The following PAGE2B variants were observed in gnomAD, a reference collection of about 807,000 sequenced individuals.
PAGE2B encodes PAGE family member 2B.
A neutral mutation model predicts 7.6 loss-of-function variants in PAGE2B; 5 were observed. The observed-to-expected ratio is 0.66, with a 90% CI of 0.34 to 1.38. The LOEUF is 1.38. Among genes scored for constraint, PAGE2B ranks in the 40% most tolerant of loss-of-function variants. The pLI is 0.04. For synonymous variants in PAGE2B, 29 were observed against 26.7 expected, an observed-to-expected ratio of 1.09 and a Z score of -0.27; for missense variants, 70 against 78.4, an observed-to-expected ratio of 0.89 and a Z score of 0.41.
chrX:55,058,896 C>A, the PAGE2B span, among the ~76,000 whole-genome samples: 1 of 110,221 alleles, frequency 9.1e-6, no homozygotes, highest in Non-Finnish European at 1.9e-5. Context: ...ACCAGGGAGA[C>A]CCTGACATAT....
chrX:55,039,226 C>T, the PAGE2B span, among the ~76,000 whole-genome samples: 695 of 110,940 alleles, frequency 6.3e-3, 4 homozygotes, highest in African/African-American at 0.015. Context: ...GAGTGATTTT[C>T]CCCCCCTGGC....
At chrX:55,048,056 C>T in the PAGE2B span, among the ~76,000 whole-genome samples, 1 of 111,824 alleles carries the variant, frequency 8.9e-6, no homozygotes, top group Non-Finnish European at 1.9e-5. Context: ...TTCTCAGCAC[C>T]ATTTATTAGA....
chrX:55,049,592 C>A, the PAGE2B span, among the ~76,000 whole-genome samples: 6 of 111,344 alleles, frequency 5.4e-5, no homozygotes, highest in Admixed American at 1.9e-4. Context: ...GTTTATTTGC[C>A]TAGAGGTGTT....
At chrX:55,037,968 G>A in the PAGE2B span, among the ~76,000 whole-genome samples, 1 of 106,639 alleles carries the variant, frequency 9.4e-6, no homozygotes, top group African/African-American at 3.4e-5. Context: ...GAGTTAATGG[G>A]TGCAGCACAC....
the PAGE2B span, among the ~76,000 whole-genome samples, chrX:55,051,691 A>T: frequency 1.8e-5 from 2 of 111,147 alleles, no homozygotes; most frequent in African/African-American, 6.6e-5. Flanking sequence ...TGCATTGGTT[A>T]TTCTAGTTAT....
chrX:55,058,878 C>T, the PAGE2B span, among the ~76,000 whole-genome samples: 1 of 110,385 alleles, frequency 9.1e-6, no homozygotes, highest in Non-Finnish European at 1.9e-5. Flanking sequence ...ACAAACATTT[C>T]CTGAAACACC....
At chrX:55,070,952 A>T (rs1215596756), upstream of PAGE2B, among the ~76,000 whole-genome samples, 1 of 111,132 alleles carries the variant, frequency 9.0e-6, no homozygotes, top group Non-Finnish European at 1.9e-5. Flanking sequence ...GGGTCTCCTG[A>T]ACACAGCACA....
At chrX:55,070,450 C>A (rs1349295920), upstream of PAGE2B, among the ~76,000 whole-genome samples, 1 of 111,364 alleles carries the variant, frequency 9.0e-6, no homozygotes, top group Non-Finnish European at 1.9e-5. Context: ...GTTTTACTTC[C>A]AATTATGTGG....
the PAGE2B span, among the ~76,000 whole-genome samples, chrX:55,030,693 T>A: frequency 2.8e-5 from 3 of 108,536 alleles, no homozygotes; most frequent in Non-Finnish European, 5.7e-5. Flanking sequence ...CAGAGAATGA[T>A]GAAATGAAAT....
At chrX:55,072,984 G>T (rs1403977996), upstream of PAGE2B, among the ~76,000 whole-genome samples, 1 of 111,711 alleles carries the variant, frequency 9.0e-6, no homozygotes, top group South Asian at 3.7e-4. Context: ...TCAAGCCAGT[G>T]CTTCTTAGCT....
chrX:55,072,344 C>T (rs1936458086), upstream of PAGE2B, among the ~76,000 whole-genome samples: 1 of 112,322 alleles, frequency 8.9e-6, no homozygotes, highest in South Asian at 3.7e-4. Context: ...TTCTTCAGGT[C>T]CACTCCATAC....
the PAGE2B span, among the ~76,000 whole-genome samples, chrX:55,034,883 G>A: frequency 1.8e-5 from 2 of 109,992 alleles, no homozygotes; most frequent in Non-Finnish European, 3.8e-5. Context: ...TAGGCCAGCT[G>A]CAAGCCGAGG....
At chrX:55,071,896 G>T (rs188910960), upstream of PAGE2B, among the ~76,000 whole-genome samples, 1 of 111,480 alleles carries the variant, frequency 9.0e-6, no homozygotes, top group East Asian at 2.8e-4. Flanking sequence ...CTGTTTTTCC[G>T]CTCCCTCAGG....
At chrX:55,038,417 T>C in the PAGE2B span, among the ~76,000 whole-genome samples, 1 of 112,277 alleles carries the variant, frequency 8.9e-6, no homozygotes, top group Admixed American at 9.5e-5. Context: ...AATGTGAATA[T>C]GTTCGTTATA....
the PAGE2B span, among the ~76,000 whole-genome samples, chrX:55,049,894 G>A: frequency 9.0e-6 from 1 of 111,692 alleles, no homozygotes; most frequent in African/African-American, 3.3e-5. Context: ...TTTTAATTGT[G>A]ATGTTAGGAT....
the PAGE2B span, among the ~76,000 whole-genome samples, chrX:55,030,271 A>G: frequency 3.6e-5 from 4 of 111,860 alleles, no homozygotes; most frequent in Non-Finnish European, 7.5e-5. Flanking sequence ...AAATCTGTTT[A>G]CTTTCTGTAT....
At chrX:55,038,997 A>G in the PAGE2B span, among the ~76,000 whole-genome samples, 1 of 111,784 alleles carries the variant, frequency 8.9e-6, no homozygotes, top group Admixed American at 9.6e-5. Context: ...TTTTATTTAA[A>G]AATAGAAATA....
chrX:55,077,648 G>C (rs777795620), intron 4 of PAGE2B, 124 bp downstream of exon 4: 2 of 1,123,768 alleles, frequency 1.8e-6, no homozygotes, highest in Non-Finnish European at 2.4e-6. Context: ...TTTGAATGTA[G>C]TTCAGACCCC....
the PAGE2B span, among the ~76,000 whole-genome samples, chrX:55,047,663 G>A: frequency 8.9e-6 from 1 of 111,899 alleles, no homozygotes; most frequent in Non-Finnish European, 1.9e-5. Context: ...TTTCTCTGAT[G>A]GCCAGTGATG....
Sources: gnomAD v4.1 joint callset for allele counts (sites outside exome capture counted in the v4.1 genomes callset) on GRCh38, gnomAD v4.1.1 for gene constraint, MANE v1.5 for transcripts, NCBI Gene and HGNC (gene_info 2026-07-23, HGNC 2026-07-21) for gene names.